The following GPC5 variants were observed in gnomAD, a reference collection of about 807,000 sequenced individuals.
GPC5 encodes glypican-5.
In GPC5, 47 loss-of-function variants were observed where a neutral mutation model predicts 53.9. The ratio of observed to expected loss-of-function variants is 0.87; its 90% CI spans 0.69 to 1.11. The LOEUF (loss-of-function observed/expected upper bound fraction) is 1.11, where lower values mean the gene tolerates loss of function less well. Ranked by LOEUF, GPC5 falls within the 50% of genes most tolerant of loss-of-function variation. The probability of loss-of-function intolerance (pLI) is 0.00; values close to 1 mark genes in which losing one functional copy is unlikely to be tolerated. For missense variants in GPC5, 748 were observed against 713.1 expected (o/e 1.05, Z -0.56); for synonymous variants, 286 against 263.3 (o/e 1.09, Z -0.84).
At chr13:91,495,266 A>C (rs1223542021) in intron 2 of GPC5, among the ~76,000 whole-genome samples, 1 of 152,146 alleles carries the variant, frequency 6.6e-6, no homozygotes, top group African/African-American at 2.4e-5. Flanking sequence ...CACTGTTATT[A>C]ATATTCTTTT....
chr13:91,818,453 A>G (rs1365257678), intron 5 of GPC5, among the ~76,000 whole-genome samples: 1 of 152,262 alleles, frequency 6.6e-6, no homozygotes, highest in Non-Finnish European at 1.5e-5. Flanking sequence ...AAATGTGATC[A>G]TAGCTACAAT....
chr13:91,794,428 A>T (rs1490103516), intron 5 of GPC5, among the ~76,000 whole-genome samples: 1 of 152,150 alleles, frequency 6.6e-6, no homozygotes, highest in Non-Finnish European at 1.5e-5. Context: ...CACGATTCTA[A>T]CACCTATAAA....
chr13:91,847,245 G>C (rs2038861566), intron 5 of GPC5, among the ~76,000 whole-genome samples: 1 of 150,936 alleles, frequency 6.6e-6, no homozygotes, highest in East Asian at 1.9e-4. Context: ...AAAAGAAATG[G>C]GTGTGAAAAT....
intron 7 of GPC5, among the ~76,000 whole-genome samples, chr13:92,316,025 A>C (rs1174949701): frequency 1.3e-5 from 2 of 152,198 alleles, no homozygotes; most frequent in African/African-American, 2.4e-5. Context: ...ACTTCAACTA[A>C]TTGACTACAG....
intron 6 of GPC5, among the ~76,000 whole-genome samples, chr13:91,976,742 C>T (rs1162012506): frequency 1.3e-5 from 2 of 152,066 alleles, no homozygotes; most frequent in Admixed American, 6.6e-5. Context: ...AAGTTTCAGG[C>T]TTTAAGACAA....
intron 7 of GPC5, among the ~76,000 whole-genome samples, chr13:92,159,418 C>T (rs1347216258): frequency 3.9e-5 from 6 of 152,008 alleles, no homozygotes; most frequent in African/African-American, 1.2e-4. Flanking sequence ...CTAGTCTGAG[C>T]GCCAGCAATT....
At chr13:91,900,293 T>C (rs1176606314) in intron 5 of GPC5, among the ~76,000 whole-genome samples, 1 of 152,140 alleles carries the variant, frequency 6.6e-6, no homozygotes, top group Non-Finnish European at 1.5e-5. Flanking sequence ...TTATTAGTAC[T>C]CAGATAACAG....
intron 7 of GPC5, among the ~76,000 whole-genome samples, chr13:92,274,628 T>C (rs1161340458): frequency 6.6e-6 from 1 of 152,124 alleles, no homozygotes; most frequent in Non-Finnish European, 1.5e-5. Context: ...AAGGTGTCAG[T>C]AACAGCTGGG....
intron 7 of GPC5, among the ~76,000 whole-genome samples, chr13:92,800,587 T>TA (rs1345592050): frequency 6.6e-6 from 1 of 151,834 alleles, no homozygotes; most frequent in Non-Finnish European, 1.5e-5. Context: ...TTGCTCCTGC[T>TA]TTATGAATGA....
intron 2 of GPC5, among the ~76,000 whole-genome samples, chr13:91,469,473 C>T (rs1445157738): frequency 6.6e-6 from 1 of 151,660 alleles, no homozygotes; most frequent in Non-Finnish European, 1.5e-5. Flanking sequence ...TATGATATTG[C>T]CCAGGCTGGT....
intron 7 of GPC5, among the ~76,000 whole-genome samples, chr13:92,311,351 ATCT>A (rs1356130903): frequency 1.3e-5 from 2 of 152,202 alleles, no homozygotes; most frequent in Non-Finnish European, 2.9e-5. Context: ...AATTGGGCTC[ATCT>A]TCTGCTAGAG....
intron 5 of GPC5, among the ~76,000 whole-genome samples, chr13:91,837,330 C>A (rs1434211971): frequency 6.6e-6 from 1 of 152,010 alleles, no homozygotes; most frequent in Admixed American, 6.6e-5. Context: ...CATTGGGAAT[C>A]AGGAAAGTTA....
At chr13:92,251,667 A>G (rs768107696) in intron 7 of GPC5, among the ~76,000 whole-genome samples, 1 of 152,132 alleles carries the variant, frequency 6.6e-6, no homozygotes, top group African/African-American at 2.4e-5. Context: ...AGTGCCTAGC[A>G]CATACAAGAC....
intron 1 of GPC5, among the ~76,000 whole-genome samples, chr13:91,435,002 G>T (rs1879802778): frequency 1.3e-5 from 2 of 152,196 alleles, no homozygotes; most frequent in South Asian, 4.1e-4. Context: ...CGTTATTGGT[G>T]TATAAGAACG....
chr13:91,976,177 C>T (rs762185332), intron 6 of GPC5, among the ~76,000 whole-genome samples: 14 of 152,144 alleles, frequency 9.2e-5, no homozygotes, highest in African/African-American at 1.7e-4. Flanking sequence ...TGTTAAATGA[C>T]GAGTTAATGG....
intron 4 of GPC5, among the ~76,000 whole-genome samples, chr13:91,754,145 GGTT>G (rs1271104487): frequency 4.6e-5 from 7 of 152,116 alleles, no homozygotes; most frequent in African/African-American, 2.4e-5. Context: ...GTATGGTTTG[GGTT>G]GTTGTTCAAA....
intron 2 of GPC5, among the ~76,000 whole-genome samples, chr13:91,549,886 C>T (rs1031738039): frequency 3.9e-5 from 6 of 152,124 alleles, no homozygotes; most frequent in African/African-American, 1.2e-4. Context: ...TTACACTATC[C>T]AGCAGTCATA....
At chr13:91,477,634 C>T (rs554883979) in intron 2 of GPC5, among the ~76,000 whole-genome samples, 1 of 152,132 alleles carries the variant, frequency 6.6e-6, no homozygotes, top group South Asian at 2.1e-4. Flanking sequence ...GAAGAATGTA[C>T]ATGTTGGGAA....
chr13:92,747,469 G>A (rs973093246), intron 7 of GPC5, among the ~76,000 whole-genome samples: 4 of 152,174 alleles, frequency 2.6e-5, no homozygotes, highest in Non-Finnish European at 5.9e-5. Context: ...GTTTTAAGGA[G>A]AGAGCATGAG....
Sources: allele counts gnomAD v4.1 joint callset (sites outside exome capture counted in the v4.1 genomes callset), GRCh38; gene constraint gnomAD v4.1.1; transcripts MANE v1.5; gene names NCBI Gene and HGNC (gene_info 2026-07-23, HGNC 2026-07-21).